The following ROBO2 variants were observed in gnomAD, a reference collection of about 807,000 sequenced individuals.
The protein encoded by ROBO2 is roundabout guidance receptor 2.
Under a neutral mutation model 160.8 loss-of-function variants are expected in ROBO2, and 53 were observed. The ratio of observed to expected loss-of-function variants is 0.33; its 90% CI spans 0.26 to 0.41. The LOEUF (loss-of-function observed/expected upper bound fraction) is 0.41, where lower values mean the gene tolerates loss of function less well. ROBO2 is among the 10% of genes least tolerant of loss of function. The pLI, the probability that ROBO2 is intolerant of heterozygous loss-of-function variation, is 1.00. For synonymous variants in ROBO2, 664 were observed against 611.7 expected (o/e 1.09, Z -1.26); for missense variants, 1,577 against 1,722.4 (o/e 0.92, Z 1.49).
chr3:76,522,636 T>G (rs1454734923), intron 2 of ROBO2, among the ~76,000 whole-genome samples: 1 of 152,088 alleles, frequency 6.6e-6, no homozygotes, highest in Non-Finnish European at 1.5e-5. Context: ...GACAAACAAT[T>G]CACCTTCCTG....
At chr3:77,281,395 T>C (rs1269194525) in intron 2 of ROBO2, among the ~76,000 whole-genome samples, 1 of 152,198 alleles carries the variant, frequency 6.6e-6, no homozygotes, top group Non-Finnish European at 1.5e-5. Flanking sequence ...TAGACAGTGT[T>C]AGTGCATTCA....
intron 2 of ROBO2, among the ~76,000 whole-genome samples, chr3:76,316,308 G>C (rs917909549): frequency 1.3e-5 from 2 of 152,080 alleles, no homozygotes; most frequent in Non-Finnish European, 2.9e-5. Flanking sequence ...CTGCAAGAGC[G>C]ACGATTTATA....
At chr3:76,304,675 G>A (rs766203617) in intron 2 of ROBO2, among the ~76,000 whole-genome samples, 2 of 151,870 alleles carry the variant, frequency 1.3e-5, no homozygotes. Flanking sequence ...TTGCCCTGAT[G>A]ATTTTCTCGT....
intron 2 of ROBO2, among the ~76,000 whole-genome samples, chr3:76,886,259 A>AAT (rs71104635): frequency 3.1e-4 from 45 of 144,348 alleles, no homozygotes; most frequent in East Asian, 9.8e-4. Flanking sequence ...ATTCCAAAAA[A>AAT]ATATATATAT....
intron 2 of ROBO2, among the ~76,000 whole-genome samples, chr3:76,865,650 A>G (rs1289123681): frequency 6.6e-6 from 1 of 152,128 alleles, no homozygotes; most frequent in African/African-American, 2.4e-5. Flanking sequence ...CAGATTACCA[A>G]ATAAATGTCA....
chr3:77,533,635 A>G (rs896888109), intron 6 of ROBO2, among the ~76,000 whole-genome samples: 8 of 152,120 alleles, frequency 5.3e-5, no homozygotes, highest in African/African-American at 1.9e-4. Context: ...CACAACCTTC[A>G]TAGCCAGCGG....
intron 2 of ROBO2, among the ~76,000 whole-genome samples, chr3:76,641,974 C>G (rs1363029516): frequency 1.3e-5 from 2 of 152,116 alleles, no homozygotes; most frequent in Non-Finnish European, 2.9e-5. Flanking sequence ...CCTGCCTCAG[C>G]CTCCCAAAGT....
intron 2 of ROBO2, among the ~76,000 whole-genome samples, chr3:76,838,662 T>A (rs2067934955): frequency 6.6e-6 from 1 of 152,082 alleles, no homozygotes; most frequent in Admixed American, 6.6e-5. Flanking sequence ...CGCTGTAGTT[T>A]AAAAAATGTT....
chr3:76,216,767 C>T (rs1703563539), intron 2 of ROBO2, among the ~76,000 whole-genome samples: 1 of 152,142 alleles, frequency 6.6e-6, no homozygotes, highest in African/African-American at 2.4e-5. Context: ...AGAAAGTTAA[C>T]AAGGATATCC....
Position 77,256,825 on chromosome 3 carries a change from C to T in ROBO2, c.388+158485C>T, listed in dbSNP as rs575613653. On this transcript the variant is annotated intron_variant, in intron 2 of 25. Transcript: ENST00000461745. The stretch of plus-strand genomic sequence containing the variant: ...TTCTCTCAATAATTTTTATTGTGCA[C>T]CCAGTGATTTCTCAGGCAATTTTTA... Among the ~76,000 whole-genome samples, 11 of 152,260 alleles carry T rather than the reference C, an allele frequency of 7.2e-5. No individual in the cohort carries two copies. The South Asian group carries it at 2.3e-3, about 32-fold the overall frequency.
intron 1 of ROBO2, among the ~76,000 whole-genome samples, chr3:75,923,587 A>G (rs1033809322): frequency 6.6e-6 from 1 of 152,252 alleles, no homozygotes; most frequent in Non-Finnish European, 1.5e-5. Flanking sequence ...AACTGTGTCC[A>G]GAACACAAGA....
chr3:77,277,617 T>C (rs1463535373), intron 2 of ROBO2, among the ~76,000 whole-genome samples: 1 of 152,196 alleles, frequency 6.6e-6, no homozygotes, highest in Non-Finnish European at 1.5e-5. Context: ...TTTATGTCCC[T>C]GCAAAGGACA....
chr3:76,445,111 C>T (rs913095334), intron 2 of ROBO2, among the ~76,000 whole-genome samples: 4 of 152,004 alleles, frequency 2.6e-5, no homozygotes, highest in Non-Finnish European at 2.9e-5. Flanking sequence ...AGTTTACTAG[C>T]AAAAGAAGGG....
intron 2 of ROBO2, among the ~76,000 whole-genome samples, chr3:76,617,587 A>G (rs1399318073): frequency 1.3e-5 from 2 of 152,156 alleles, no homozygotes; most frequent in African/African-American, 4.8e-5. Context: ...ATGGAAAAGG[A>G]TAACTATGAA....
At chr3:76,261,473 A>C (rs1198065646) in intron 2 of ROBO2, among the ~76,000 whole-genome samples, 2 of 151,876 alleles carry the variant, frequency 1.3e-5, no homozygotes, top group Non-Finnish European at 2.9e-5. Flanking sequence ...TCAGAGTTTA[A>C]AGTTATGTTC....
intron 2 of ROBO2, among the ~76,000 whole-genome samples, chr3:76,598,635 T>A (rs1212934132): frequency 2.6e-5 from 4 of 152,242 alleles, no homozygotes; most frequent in African/African-American, 7.2e-5. Context: ...TCAGTAAAAA[T>A]TTCAATTAAG....
intron 2 of ROBO2, among the ~76,000 whole-genome samples, chr3:76,426,605 T>G (rs1445680048): frequency 6.6e-6 from 1 of 152,184 alleles, no homozygotes; most frequent in African/African-American, 2.4e-5. Context: ...AATTTTGAAA[T>G]TTAAAAGGAA....
chr3:77,499,886 A>G (rs893438954), intron 5 of ROBO2, among the ~76,000 whole-genome samples: 1 of 151,972 alleles, frequency 6.6e-6, no homozygotes, highest in Non-Finnish European at 1.5e-5. Context: ...TGACCTCATG[A>G]TCCACCCGCC....
intron 2 of ROBO2, among the ~76,000 whole-genome samples, chr3:76,957,095 T>C (rs1043888958): frequency 6.6e-6 from 1 of 152,126 alleles, no homozygotes; most frequent in Admixed American, 6.6e-5. Flanking sequence ...ATGTTGATAT[T>C]ACTGTGAAGA....
Sources: allele counts gnomAD v4.1 joint callset (sites outside exome capture counted in the v4.1 genomes callset), GRCh38; gene constraint gnomAD v4.1.1; transcripts MANE v1.5; gene names NCBI Gene and HGNC (gene_info 2026-07-23, HGNC 2026-07-21).